The following TICRR variants were observed in gnomAD, a reference collection of about 807,000 sequenced individuals.
TICRR encodes TOPBP1 interacting checkpoint and replication regulator, also known as treslin.
A neutral mutation model predicts 178.1 loss-of-function variants in TICRR; 132 were observed. The ratio of observed to expected loss-of-function variants is 0.74; its 90% CI spans 0.64 to 0.86. TICRR has a LOEUF of 0.86. Among genes scored for constraint, TICRR ranks in the 40% least tolerant of loss-of-function variants. The pLI, the probability that TICRR is intolerant of heterozygous loss-of-function variation, is 0.00. For missense variants in TICRR, 2,587 were observed against 2,334.3 expected, an observed-to-expected ratio of 1.11 and a Z score of -2.23; for synonymous variants, 991 against 900.7, an observed-to-expected ratio of 1.10 and a Z score of -1.79.
chr15:89,610,332 ATTAT>A (rs1567048200), intron 15 of TICRR, among the ~76,000 whole-genome samples: 2 of 152,226 alleles, frequency 1.3e-5, no homozygotes, highest in African/African-American at 4.8e-5. Context: ...TTATTGTTGA[ATTAT>A]TTATTTCTCC....
chr15:89,576,058 G>C lies in TICRR; in HGVS notation c.472G>C (p.Ala158Pro). Residue 158 changes from alanine to proline, a missense_variant, in exon 1 of 22, where the codon GCC becomes CCC. Coordinates refer to ENST00000268138, the MANE Select transcript of TICRR (RefSeq NM_152259.4). ...GGLVNAVFLL[A>P]PCPHSQRELL... ...CTTGGTGAACGCCGTCTTCCTCCTG[G>C]CCCCCTGTCCGCACTCGCAGAGGGA... 1 of 1,611,474 alleles carries C rather than the reference G, an allele frequency of 6.2e-7. No homozygotes were observed. Among genetic ancestry groups the C allele is most frequent in the Non-Finnish European group, 8.5e-7 (1 of 1,179,606 alleles).
At chr15:89,610,027 C>G (rs1462658260) in intron 15 of TICRR, among the ~76,000 whole-genome samples, 2 of 152,118 alleles carry the variant, frequency 1.3e-5, no homozygotes, top group East Asian at 3.8e-4. Context: ...GCATTAATTT[C>G]CACATATATG....
intron 16 of TICRR, 35 bp from the exon 17 acceptor site, chr15:89,618,117 G>A: frequency 6.3e-7 from 1 of 1,598,186 alleles, no homozygotes; most frequent in Non-Finnish European, 8.6e-7. Context: ...ATTACAAGTG[G>A]TATGGAGTAA....
intron 14 of TICRR, among the ~76,000 whole-genome samples, chr15:89,608,363 A>G (rs1963204592): frequency 6.6e-6 from 1 of 152,244 alleles, no homozygotes. Flanking sequence ...TGAATTAGTT[A>G]TCAAAAAACT....
intron 11 of TICRR, 73 bp from the exon 12 acceptor site, chr15:89,601,664 T>C: frequency 3.7e-6 from 6 of 1,610,818 alleles, no homozygotes; most frequent in Non-Finnish European, 5.1e-6. Context: ...GGACTACTTT[T>C]TAGGCTGGGT....
chr15:89,624,565 G>C lies in TICRR; in HGVS notation c.4255G>C (p.Asp1419His), dbSNP rs2141984908. The change falls in exon 20 of 22, where the codon GAC becomes CAC. Residue 1419 changes from aspartate to histidine, a missense_variant. Transcript: ENST00000268138. ...AGCTGACAGCCCAGCTGCCCCCACA[G>C]ACTCTAGAGATGACCAGAAGGGACT... is the stretch of plus-strand genomic sequence containing the variant. Reference protein sequence around the residue: ...GTADSPAAPTDSRDDQKGLSL... With the variant: ...GTADSPAAPTHSRDDQKGLSL... 6.2e-7 allele frequency: 1 copy of C among 1,613,616 alleles called. No homozygotes were observed. Among genetic ancestry groups the C allele is most frequent in the Non-Finnish European group, 8.5e-7 (1 of 1,179,710 alleles).
intron 19 of TICRR, among the ~76,000 whole-genome samples, chr15:89,623,009 G>A (rs924927576): frequency 2.0e-5 from 3 of 152,346 alleles, no homozygotes; most frequent in South Asian, 2.1e-4. Context: ...GTCCCCTGAC[G>A]GGATGAAGGA....
Position 89,601,391 on chromosome 15 carries a change from G to A in TICRR, c.2247G>A (p.Glu749=), listed in dbSNP as rs984750253. ...STDDMEQVVE[E]VTDLLRMVCL... ...ATGATATGGAACAAGTAGTGGAGGA[G>A]GCAAGTATATAGTTTCGTGCCATTG... is the stretch of plus-strand genomic sequence containing the variant. Residue 749 remains glutamate (E), a splice_region_variant and synonymous_variant, in exon 10 of 22, where the codon GAG becomes GAA. Coordinates refer to ENST00000268138, the MANE Select transcript of TICRR (RefSeq NM_152259.4). The A allele has an allele frequency of 1.8e-5, 29 of 1,613,912 alleles. No homozygotes were observed. The highest frequency in any genetic ancestry group is 2.3e-5 in the Non-Finnish European group (27 of 1,179,912).
intron 15 of TICRR, among the ~76,000 whole-genome samples, chr15:89,611,309 A>G (rs1453099108): frequency 6.6e-6 from 1 of 152,186 alleles, no homozygotes; most frequent in African/African-American, 2.4e-5. Flanking sequence ...CAGGACTTCA[A>G]ATGTGACATC....
chr15:89,608,734 C>T (rs1291350382), intron 14 of TICRR, 69 bp from the exon 15 acceptor site: 2 of 1,386,126 alleles, frequency 1.4e-6, no homozygotes, highest in African/African-American at 3.0e-5. Flanking sequence ...GTTATCTTTT[C>T]TCAGATACGG....
chr15:89,605,595 G>A (rs570636572), intron 13 of TICRR, among the ~76,000 whole-genome samples: 10 of 152,228 alleles, frequency 6.6e-5, no homozygotes, highest in African/African-American at 2.4e-4. Context: ...TCCTGACCTC[G>A]TGATCCGCCC....
intron 7 of TICRR, among the ~76,000 whole-genome samples, chr15:89,597,349 C>A (rs1460697162): frequency 1.3e-5 from 2 of 151,920 alleles, no homozygotes; most frequent in Non-Finnish European, 2.9e-5. Flanking sequence ...CATGGTGAAA[C>A]CCTGTCTCTA....
rs1214947492 is a variant in TICRR, at chr15:89,618,194, C to T, written c.3003C>T (p.Ser1001=). 2 of 1,613,876 alleles carry T rather than the reference C, an allele frequency of 1.2e-6. No homozygotes were observed. The highest frequency in any genetic ancestry group is 1.7e-6 in the Non-Finnish European group (2 of 1,179,980). ...PGPDIGVVEE[S]PEKGDEISLR... is the part of the protein sequence containing the mutation. ...CTGATATTGGTGTTGTTGAAGAGTC[C>T]CCTGAAAAAGGAGATGGTGAGTGTT... The change falls in exon 17 of 22, where the codon TCC becomes TCT. Residue 1001 remains serine, a synonymous_variant. Transcript: ENST00000268138.
At chr15:89,610,981 CT>C (rs999749993) in intron 15 of TICRR, among the ~76,000 whole-genome samples, 1 of 151,352 alleles carries the variant, frequency 6.6e-6, no homozygotes, top group Non-Finnish European at 1.5e-5. Flanking sequence ...GTCTCTTCTT[CT>C]TTATATTGTT....
chr15:89,603,676 C>T (rs1963131851), intron 13 of TICRR, among the ~76,000 whole-genome samples: 1 of 152,084 alleles, frequency 6.6e-6, no homozygotes, highest in Non-Finnish European at 1.5e-5. Flanking sequence ...GAGTAGTCGC[C>T]CCTTATCTGC....
At position 89,592,262 on chromosome 15, in the gene TICRR, C is replaced by CT. The variant is rs1005119919; in HGVS notation, c.1541+87dup. The CT allele has an allele frequency of 3.4e-5, 39 of 1,143,532 alleles. No homozygotes were observed. The African/African-American group carries it at 5.5e-4, about 16-fold the overall frequency. The allele number at this position is 1,143,532 out of a possible 1,614,324, so 70.8% of individuals were successfully genotyped here. A position where few individuals can be genotyped will look rare whatever the true frequency, so the allele number is the denominator to read the frequency against. The stretch of plus-strand genomic sequence containing the variant: ...TTTTTTTCTTAACAGACCACATTCT[C>CT]TGAGTATAGTCTAATAATATTAAAA... On this transcript the variant is annotated intron_variant, in intron 5 of 21. Transcript: ENST00000268138.
chr15:89,601,478 A>G lies in TICRR; in HGVS notation c.2248-11A>G, dbSNP rs1056664741. On this transcript the variant is annotated splice_polypyrimidine_tract_variant and intron_variant, in intron 10 of 21. Transcript: ENST00000268138. Reference sequence around the variant, plus strand: ...GGCATCTATATAGTAACGTTCTAAAATCTCCTTCAGGTGACAGATTTGCTG... The same window carrying G: ...GGCATCTATATAGTAACGTTCTAAAGTCTCCTTCAGGTGACAGATTTGCTG... The G allele has an allele frequency of 8.1e-6, 13 of 1,614,022 alleles. No individual in the cohort carries two copies. The highest frequency in any genetic ancestry group is 1.0e-5 in the Non-Finnish European group (12 of 1,180,004).
intron 4 of TICRR, among the ~76,000 whole-genome samples, chr15:89,586,185 G>A (rs1567041061): frequency 6.6e-6 from 1 of 152,090 alleles, no homozygotes; most frequent in Non-Finnish European, 1.5e-5. Flanking sequence ...ATATATTTAA[G>A]AAATACTGCA....
intron 12 of TICRR, among the ~76,000 whole-genome samples, chr15:89,602,271 G>A (rs1310688283): frequency 6.6e-6 from 1 of 152,086 alleles, no homozygotes; most frequent in East Asian, 1.9e-4. Flanking sequence ...CCAAAACCTA[G>A]ATAGTATATA....
Sources: allele counts gnomAD v4.1 joint callset (sites outside exome capture counted in the v4.1 genomes callset), GRCh38; gene constraint gnomAD v4.1.1; transcripts MANE v1.5; gene names NCBI Gene and HGNC (gene_info 2026-07-23, HGNC 2026-07-21).